STK3: variants seen among roughly 807,000 people sequenced by gnomAD.
STK3 encodes serine/threonine-protein kinase 3.
In STK3, 41 loss-of-function variants were observed where a neutral mutation model predicts 58.0. The observed-to-expected ratio is 0.71, with a 90% CI of 0.55 to 0.92. The LOEUF (loss-of-function observed/expected upper bound fraction) is 0.92. Among genes scored for constraint, STK3 ranks in the 40% least tolerant of loss-of-function variants. The pLI is 0.00. For missense variants in STK3, 479 were observed against 602.7 expected, an observed-to-expected ratio of 0.79 and a Z score of 2.15; for synonymous variants, 170 against 191.0, an observed-to-expected ratio of 0.89 and a Z score of 0.91.
intron 1 of STK3, among the ~76,000 whole-genome samples, chr8:98,926,596 A>G (rs1333993540): frequency 6.6e-6 from 1 of 152,228 alleles, no homozygotes; most frequent in Admixed American, 6.5e-5. Context: ...TAATATGGAC[A>G]GGGAAATGGG....
intron 4 of STK3, among the ~76,000 whole-genome samples, chr8:98,719,328 A>T (rs1827240227): frequency 6.6e-6 from 1 of 152,158 alleles, no homozygotes. Context: ...CTAGACTTCA[A>T]TTTTTATCTC....
In STK3 at chr8:98,474,430, T is replaced by C. The variant is rs1442199047; in HGVS notation, c.1318-18430A>G. ...GGTCTGCAGCTTCAGCTTGTGCTAC[T>C]CTAGCCATTACTCCTATGTTTCCAT... On this transcript the variant is annotated intron_variant, in intron 10 of 10. Coordinates refer to ENST00000419617, the MANE Select transcript of STK3 (RefSeq NM_006281.4). Among the ~76,000 whole-genome samples, 4 of 152,234 alleles carry C rather than the reference T, an allele frequency of 2.6e-5. No homozygotes were observed. The East Asian group carries it at 7.7e-4, about 29-fold the overall frequency.
At chr8:98,431,856 T>C (rs1406066824) in intron 3 of STK3, 1 of 167,120 alleles carries the variant, frequency 6.0e-6, no homozygotes, top group Non-Finnish European at 1.5e-5. Context: ...TACATACATA[T>C]ATACTTATAT....
At chr8:98,427,573 C>G (rs941419274) in intron 3 of STK3, 2 of 154,548 alleles carry the variant, frequency 1.3e-5, no homozygotes, top group African/African-American at 2.4e-5. Context: ...CGTGTCGGCC[C>G]GGCCCTGCCC....
At chr8:98,736,361 C>G (rs912370781) in intron 4 of STK3, among the ~76,000 whole-genome samples, 2 of 152,148 alleles carry the variant, frequency 1.3e-5, no homozygotes, top group African/African-American at 4.8e-5. Context: ...TACATATAAT[C>G]ACCAAAATAT....
At chr8:98,882,886 T>A (rs1486583696), downstream of STK3, 1 of 152,204 alleles carries the variant, frequency 6.6e-6, no homozygotes, top group Non-Finnish European at 1.5e-5. Context: ...CCATTTCTAA[T>A]GCTGGTTTTA....
intron 2 of STK3, among the ~76,000 whole-genome samples, chr8:98,374,216 A>C (rs1474905176): frequency 6.6e-6 from 1 of 152,214 alleles, no homozygotes; most frequent in Non-Finnish European, 1.5e-5. Context: ...ATGAAAAAGC[A>C]TCCTGGGAGA....
At chr8:98,589,670 G>T (rs1288407731) in intron 7 of STK3, among the ~76,000 whole-genome samples, 1 of 152,226 alleles carries the variant, frequency 6.6e-6, no homozygotes, top group Non-Finnish European at 1.5e-5. Context: ...AGCAAGCCTG[G>T]GCAATGGCGG....
intron 4 of STK3, among the ~76,000 whole-genome samples, chr8:98,720,427 C>T (rs1256869638): frequency 1.3e-5 from 2 of 152,150 alleles, no homozygotes; most frequent in African/African-American, 4.8e-5. Context: ...CCAGATGTCA[C>T]AAACATAAAT....
At chr8:98,932,659 C>T (rs997715452) in intron 1 of STK3, among the ~76,000 whole-genome samples, 4 of 152,206 alleles carry the variant, frequency 2.6e-5, no homozygotes, top group African/African-American at 9.7e-5. Context: ...ACCAAGGGAA[C>T]TATCTTGTTA....
chr8:98,768,846 G>A (rs1036048988), intron 2 of STK3, among the ~76,000 whole-genome samples: 4 of 152,248 alleles, frequency 2.6e-5, no homozygotes, highest in Non-Finnish European at 5.9e-5. Flanking sequence ...TGGACTGACA[G>A]ATATGAAGTG....
At chr8:98,675,552 T>C (rs1386954599) in intron 6 of STK3, among the ~76,000 whole-genome samples, 3 of 152,110 alleles carry the variant, frequency 2.0e-5, no homozygotes, top group Non-Finnish European at 4.4e-5. Context: ...TCTGGGTATA[T>C]ACCTAAAAGA....
upstream of STK3, among the ~76,000 whole-genome samples, chr8:98,828,735 A>G (rs2131776263): frequency 6.6e-6 from 1 of 152,280 alleles, no homozygotes; most frequent in Non-Finnish European, 1.5e-5. Context: ...CAGCATCATC[A>G]CCCACTATCT....
chr8:98,589,348 TA>T (rs756008427), intron 7 of STK3, among the ~76,000 whole-genome samples: 6 of 152,174 alleles, frequency 3.9e-5, no homozygotes, highest in Non-Finnish European at 8.8e-5. Flanking sequence ...TCTGTTGGAG[TA>T]ACCTGCCGTG....
At chr8:98,875,258 T>C (rs1837526568) in intron 3 of STK3, 1 of 152,152 alleles carries the variant, frequency 6.6e-6, no homozygotes, top group South Asian at 2.1e-4. Context: ...CAGGCAGAAA[T>C]ATTCTTTAAG....
chr8:98,916,288 C>T (rs151316334), intron 1 of STK3, among the ~76,000 whole-genome samples: 49 of 152,228 alleles, frequency 3.2e-4, no homozygotes, highest in Middle Eastern at 3.4e-3. Flanking sequence ...GTGGCAGGCA[C>T]CTGTAATCCC....
At chr8:98,544,642 C>T (rs1463350963) in intron 9 of STK3, among the ~76,000 whole-genome samples, 2 of 127,028 alleles carry the variant, frequency 1.6e-5, no homozygotes, top group African/African-American at 6.2e-5. Context: ...ATCTTTAATT[C>T]TACTATAACA....
At chr8:98,479,471 A>C (rs1180248789) in intron 10 of STK3, among the ~76,000 whole-genome samples, 1 of 98,504 alleles carries the variant, frequency 1.0e-5, no homozygotes, top group Non-Finnish European at 1.8e-5. Context: ...TGGGTGACAG[A>C]GCAACACTCC....
intron 6 of STK3, among the ~76,000 whole-genome samples, chr8:98,671,038 C>A (rs951029681): frequency 6.6e-6 from 1 of 151,692 alleles, no homozygotes; most frequent in East Asian, 1.9e-4. Flanking sequence ...GCAAAGGGGC[C>A]AAGAAAAATC....
Sources: gnomAD v4.1 joint callset for allele counts (sites outside exome capture counted in the v4.1 genomes callset) on GRCh38, gnomAD v4.1.1 for gene constraint, MANE v1.5 for transcripts, NCBI Gene and HGNC (gene_info 2026-07-23, HGNC 2026-07-21) for gene names.